CDH13: variants seen among roughly 807,000 people sequenced by gnomAD.
The protein encoded by CDH13 is cadherin 13.
Under a neutral mutation model 63.8 loss-of-function variants are expected in CDH13, and 24 were observed. The ratio of observed to expected loss-of-function variants is 0.38; its 90% CI spans 0.27 to 0.53. The LOEUF (loss-of-function observed/expected upper bound fraction) is 0.53, where lower values mean the gene tolerates loss of function less well. CDH13 is among the 20% of genes least tolerant of loss of function. CDH13 has a pLI of 0.85. For missense variants in CDH13, 1,049 were observed against 903.1 expected (o/e 1.16, Z -2.07); for synonymous variants, 503 against 355.3 (o/e 1.42, Z -4.67).
intron 6 of CDH13, among the ~76,000 whole-genome samples, chr16:83,422,944 A>G (rs990745795): frequency 6.6e-6 from 1 of 152,198 alleles, no homozygotes; most frequent in Non-Finnish European, 1.5e-5. Flanking sequence ...AGTACCCACT[A>G]TATGTAAAAC....
rs150520224 is a variant in CDH13, at chr16:83,448,725, C to A, written c.782-37752C>A. 1.4e-3 allele frequency among the ~76,000 whole-genome samples: 216 copies of A among 152,208 alleles called. 1 individual carries two copies. The highest frequency in any genetic ancestry group is 6.8e-3 in the Middle Eastern group (2 of 294). ...AGAGGATGCATTCATTCCATGCCTG[C>A]AAGACAGCCCAGCTGGGGAAGGTGA... On this transcript the variant is annotated intron_variant, in intron 6 of 13. Coordinates refer to ENST00000567109, the MANE Select transcript of CDH13 (RefSeq NM_001257.5).
intron 5 of CDH13, among the ~76,000 whole-genome samples, chr16:83,260,679 T>C (rs1906880652): frequency 6.6e-6 from 1 of 152,226 alleles, no homozygotes; most frequent in South Asian, 2.1e-4. Context: ...AAATGCAAAG[T>C]TGGAACCTTG....
At chr16:83,050,207 C>G (rs1305814017) in intron 3 of CDH13, among the ~76,000 whole-genome samples, 1 of 152,128 alleles carries the variant, frequency 6.6e-6, no homozygotes, top group Admixed American at 6.5e-5. Flanking sequence ...GTCGCCATAA[C>G]TCTAGTTATA....
At chr16:83,505,293 A>G (rs1157351559) in intron 7 of CDH13, among the ~76,000 whole-genome samples, 1 of 152,170 alleles carries the variant, frequency 6.6e-6, no homozygotes, top group East Asian at 1.9e-4. Flanking sequence ...ACGAAGGATA[A>G]TTCAATCTAT....
At chr16:83,339,368 T>C (rs2090672166) in intron 5 of CDH13, among the ~76,000 whole-genome samples, 1 of 152,184 alleles carries the variant, frequency 6.6e-6, no homozygotes, top group African/African-American at 2.4e-5. Context: ...AATAATATTT[T>C]AATTAAGTTA....
At chr16:83,431,545 G>T (rs1043802688) in intron 6 of CDH13, among the ~76,000 whole-genome samples, 1 of 152,010 alleles carries the variant, frequency 6.6e-6, no homozygotes, top group Non-Finnish European at 1.5e-5. Context: ...TTTTAAAAAG[G>T]CTTAATTGGG....
intron 2 of CDH13, among the ~76,000 whole-genome samples, chr16:82,861,975 T>C (rs2039964672): frequency 1.3e-5 from 2 of 152,170 alleles, no homozygotes; most frequent in Non-Finnish European, 2.9e-5. Flanking sequence ...TTCTTCCCAT[T>C]TGTCAATGAA....
intron 6 of CDH13, among the ~76,000 whole-genome samples, chr16:83,432,888 G>T (rs1014422489): frequency 6.6e-6 from 1 of 152,188 alleles, no homozygotes; most frequent in African/African-American, 2.4e-5. Flanking sequence ...AACTTGCATG[G>T]TCCTGTTTGA....
intron 2 of CDH13, among the ~76,000 whole-genome samples, chr16:83,000,225 T>G (rs1192106485): frequency 4.1e-5 from 2 of 49,144 alleles, no homozygotes; most frequent in African/African-American, 2.1e-4. Flanking sequence ...TTTAGCTTAT[T>G]TTTTTTTTTT....
At chr16:83,222,310 A>G (rs1489313209) in intron 5 of CDH13, among the ~76,000 whole-genome samples, 1 of 152,216 alleles carries the variant, frequency 6.6e-6, no homozygotes, top group Admixed American at 6.5e-5. Flanking sequence ...ATTCAGAGGT[A>G]TCCTTGCTCA....
At chr16:82,972,677 T>C (rs1189454258) in intron 2 of CDH13, among the ~76,000 whole-genome samples, 1 of 152,160 alleles carries the variant, frequency 6.6e-6, no homozygotes, top group Non-Finnish European at 1.5e-5. Context: ...TAGTAGCTGT[T>C]TTTAATATTA....
intron 1 of CDH13, among the ~76,000 whole-genome samples, chr16:82,710,648 CATT>C (rs1467955905): frequency 7.6e-6 from 1 of 131,376 alleles, no homozygotes; most frequent in Non-Finnish European, 1.6e-5. Flanking sequence ...ATAATATAAT[CATT>C]TTATTTGATT....
In CDH13 at chr16:83,047,881, G is replaced by C. The variant is rs1301886884; in HGVS notation, c.366+15663G>C. 6.6e-6 allele frequency among the ~76,000 whole-genome samples: 1 copy of C among 152,046 alleles called. No homozygotes were observed. Among genetic ancestry groups the C allele is most frequent in the African/African-American group, 2.4e-5 (1 of 41,374 alleles). The stretch of plus-strand genomic sequence containing the variant: ...GGTCCTATTTTATCTTCATTTTACA[G>C]GTGAATAAAGGAAGACGGGGAGACT... On this transcript the variant is annotated intron_variant, in intron 3 of 13. Coordinates refer to ENST00000567109, the MANE Select transcript of CDH13 (RefSeq NM_001257.5). The surrounding 1 kb of genome is among the most constrained non-coding windows in gnomAD (Gnocchi z 4.9).
chr16:82,648,023 C>T (rs1470598867), intron 1 of CDH13, among the ~76,000 whole-genome samples: 9 of 152,208 alleles, frequency 5.9e-5, no homozygotes, highest in Non-Finnish European at 1.0e-4. Context: ...CCTGCACATG[C>T]TCTCTTGCCT....
At chr16:82,696,300 T>C (rs1466239535) in intron 1 of CDH13, among the ~76,000 whole-genome samples, 1 of 152,218 alleles carries the variant, frequency 6.6e-6, no homozygotes, top group South Asian at 2.1e-4. Context: ...ACTCACTCTA[T>C]ATATTTTATA....
chr16:82,795,673 T>G (rs1261776856), intron 1 of CDH13, among the ~76,000 whole-genome samples: 1 of 152,214 alleles, frequency 6.6e-6, no homozygotes, highest in Non-Finnish European at 1.5e-5. Context: ...TGCATTTATC[T>G]GTAGACCCTC....
chr16:83,111,478 G>A (rs2035056269), intron 3 of CDH13, among the ~76,000 whole-genome samples: 2 of 152,352 alleles, frequency 1.3e-5, no homozygotes, highest in East Asian at 1.9e-4. Flanking sequence ...AGCATGATGT[G>A]TCTGAGGATT....
At chr16:83,503,277 C>A (rs796692641) in intron 7 of CDH13, among the ~76,000 whole-genome samples, 3 of 152,282 alleles carry the variant, frequency 2.0e-5, no homozygotes, top group African/African-American at 7.2e-5. Context: ...AACTGGAGAC[C>A]AAACCGTAGG....
intron 11 of CDH13, among the ~76,000 whole-genome samples, chr16:83,753,477 T>C (rs1349821779): frequency 6.6e-6 from 1 of 152,020 alleles, no homozygotes; most frequent in Non-Finnish European, 1.5e-5. Flanking sequence ...CCCAGGTAGG[T>C]CAAGGCTGCA....
Sources: allele counts gnomAD v4.1 joint callset (sites outside exome capture counted in the v4.1 genomes callset), GRCh38; gene constraint gnomAD v4.1.1; non-coding constraint Gnocchi (gnomAD v3.1); transcripts MANE v1.5; gene names NCBI Gene and HGNC (gene_info 2026-07-23, HGNC 2026-07-21).